PDZRN3: variants seen among roughly 807,000 people sequenced by gnomAD.
PDZRN3 encodes E3 ubiquitin-protein ligase PDZRN3.
PDZRN3 carries 38 observed loss-of-function variants against 85.7 expected under a neutral mutation model. That is an observed-to-expected ratio of 0.44 (90% confidence interval 0.34 to 0.58). The LOEUF (loss-of-function observed/expected upper bound fraction) is 0.58, where lower values mean the gene tolerates loss of function less well. Ranked by LOEUF, PDZRN3 falls within the 20% of genes least tolerant of loss-of-function variation. PDZRN3 has a pLI of 0.01. For synonymous variants in PDZRN3, 759 were observed against 638.0 expected (o/e 1.19, Z -2.86); for missense variants, 1,629 against 1,506.4 (o/e 1.08, Z -1.35).
intron 3 of PDZRN3, among the ~76,000 whole-genome samples, chr3:73,453,332 G>A (rs570210878): frequency 1.3e-5 from 2 of 150,718 alleles, no homozygotes; most frequent in East Asian, 3.9e-4. Context: ...CTTGAAGCCG[G>A]GAGGCGGAGG....
At chr3:73,569,523 C>T in intron 3 of PDZRN3, 2 of 1,046,446 alleles carry the variant, frequency 1.9e-6, no homozygotes, top group Non-Finnish European at 2.3e-6. Flanking sequence ...ATCAGCTGCT[C>T]CTCAGTGAAG....
Position 73,384,033 on chromosome 3 carries a change from C to T in PDZRN3, c.2533G>A (p.Gly845Arg), listed in dbSNP as rs760912979. 7 of 1,594,478 alleles carry T rather than the reference C, an allele frequency of 4.4e-6. No individual in the cohort carries two copies. In the Admixed American group the frequency reaches 6.9e-5, roughly 16 times the overall value. The change falls in exon 10 of 10, where the codon GGG becomes AGG. Residue 845 changes from glycine (G) to arginine (R), a missense_variant. Transcript: ENST00000263666. ...LESKERRASD[G>R]SRSPTPSQKL... ...TGGCTGGGCGTGGGGCTCCGGCTCCCGTCGCTGGCTCTCCGCTCTTTGCTT... is the reference window on the plus strand; with the variant it reads ...TGGCTGGGCGTGGGGCTCCGGCTCCTGTCGCTGGCTCTCCGCTCTTTGCTT...
chr3:73,570,545 G>A (rs1212246494), intron 3 of PDZRN3, among the ~76,000 whole-genome samples: 3 of 152,070 alleles, frequency 2.0e-5, no homozygotes, highest in Admixed American at 2.0e-4. Flanking sequence ...CTTACTGATG[G>A]GATTATGCAT....
intron 3 of PDZRN3, among the ~76,000 whole-genome samples, chr3:73,518,199 C>A (rs1192137795): frequency 2.0e-5 from 3 of 152,152 alleles, no homozygotes; most frequent in African/African-American, 4.8e-5. Context: ...CTGATACATG[C>A]TATGACATGG....
At chr3:73,504,414 A>G (rs1057251026) in intron 3 of PDZRN3, among the ~76,000 whole-genome samples, 2 of 152,214 alleles carry the variant, frequency 1.3e-5, no homozygotes, top group Non-Finnish European at 1.5e-5. Flanking sequence ...CTCAAGTCAG[A>G]TGACAAGCAG....
At chr3:73,567,851 T>C (rs1001025484) in intron 3 of PDZRN3, among the ~76,000 whole-genome samples, 4 of 152,210 alleles carry the variant, frequency 2.6e-5, no homozygotes, top group African/African-American at 7.2e-5. Flanking sequence ...AATACAACGA[T>C]AGGGTCCTTG....
rs879510100 is a variant in PDZRN3, at chr3:73,563,013, ATTTTTT to A, written c.918+39335_918+39340del. On this transcript the variant is annotated intron_variant, in intron 3 of 9. Coordinates refer to ENST00000263666, the MANE Select transcript of PDZRN3 (RefSeq NM_015009.3). The stretch of plus-strand genomic sequence containing the variant: ...TATATATATATATATATATATATAT[ATTTTTT>A]TTTTTTTTTTTTTTTTTGAGACAGA... 3.5e-3 allele frequency among the ~76,000 whole-genome samples: 153 copies of A among 43,700 alleles called. 1 individual carries two copies. Among genetic ancestry groups the A allele is most frequent in the East Asian group, 0.019 (19 of 982 alleles). 28.7% of individuals were successfully genotyped at this position (43,700 alleles called of 152,430 possible). A position where few individuals can be genotyped will look rare whatever the true frequency, so the allele number is the denominator to read the frequency against.
intron 3 of PDZRN3, among the ~76,000 whole-genome samples, chr3:73,484,540 G>A (rs1703628739): frequency 6.6e-6 from 1 of 152,162 alleles, no homozygotes; most frequent in Admixed American, 6.5e-5. Flanking sequence ...GGAGAGCTGG[G>A]GGAAGAAGAT....
At chr3:73,394,805 GT>G (rs1701602593) in intron 5 of PDZRN3, among the ~76,000 whole-genome samples, 1 of 152,216 alleles carries the variant, frequency 6.6e-6, no homozygotes, top group Non-Finnish European at 1.5e-5. Flanking sequence ...GAAGAATCTG[GT>G]TGCTGACAGT....
intron 3 of PDZRN3, among the ~76,000 whole-genome samples, chr3:73,538,642 G>A (rs1374133575): frequency 6.6e-6 from 1 of 152,148 alleles, no homozygotes; most frequent in Non-Finnish European, 1.5e-5. Context: ...TTTTCCTTAT[G>A]TCAGGCAATG....
At chr3:73,580,990 C>T (rs1702193690) in intron 3 of PDZRN3, among the ~76,000 whole-genome samples, 1 of 152,192 alleles carries the variant, frequency 6.6e-6, no homozygotes, top group South Asian at 2.1e-4. Flanking sequence ...CCAGAAGCAA[C>T]CAGCAACAGA....
chr3:73,406,982 T>C (rs543651639), intron 3 of PDZRN3, among the ~76,000 whole-genome samples: 18 of 152,354 alleles, frequency 1.2e-4, no homozygotes, highest in Non-Finnish European at 2.5e-4. Flanking sequence ...CCCTCTCTGC[T>C]AAAAGAACTC....
chr3:73,599,027 C>A (rs1162434947), intron 3 of PDZRN3, among the ~76,000 whole-genome samples: 2 of 152,192 alleles, frequency 1.3e-5, no homozygotes, highest in Admixed American at 6.5e-5. Context: ...CATATCCCAC[C>A]AGACAGTCAT....
At position 73,384,399 on chromosome 3, in the gene PDZRN3, T is replaced by G. The variant is rs1184443079; in HGVS notation, c.2167A>C (p.Asn723His). Residue 723 changes from asparagine to histidine, a missense_variant, in exon 10 of 10, where the codon AAC (asparagine) becomes CAC (histidine). Asn to His is a moderately conservative substitution (Grantham distance 68). Coordinates refer to ENST00000263666, the MANE Select transcript of PDZRN3 (RefSeq NM_015009.3). ...GTGTTGTAGTTGCGGAAGCCGCTGT[T>G]GTGCAGCATCCAGGACTCGCGGTAC... is the stretch of plus-strand genomic sequence containing the variant. ...EQYRESWMLH[N>H]SGFRNYNTSI... 7 of 1,609,658 alleles carry G rather than the reference T, an allele frequency of 4.3e-6. No homozygotes were observed. The Admixed American group carries it at 1.0e-4, about 23-fold the overall frequency.
chr3:73,456,622 G>A (rs1036114481), intron 3 of PDZRN3, among the ~76,000 whole-genome samples: 3 of 152,196 alleles, frequency 2.0e-5, no homozygotes, highest in Non-Finnish European at 4.4e-5. Flanking sequence ...TGATAGGACA[G>A]TACACAGATA....
chr3:73,452,250 G>A (rs1325480936), intron 3 of PDZRN3, among the ~76,000 whole-genome samples: 1 of 152,088 alleles, frequency 6.6e-6, no homozygotes, highest in East Asian at 1.9e-4. Context: ...CAAAGGCACT[G>A]TCAAGGTGGT....
intron 9 of PDZRN3, 52 bp from the exon 10 acceptor site, chr3:73,384,982 G>C: frequency 6.5e-7 from 1 of 1,538,466 alleles, no homozygotes; most frequent in Non-Finnish European, 8.7e-7. Flanking sequence ...TGCGCAGCAG[G>C]TACTCAGGTT....
intron 1 of PDZRN3, 36 bp from the exon 2 acceptor site, chr3:73,608,720 C>T: frequency 7.7e-7 from 1 of 1,298,698 alleles, no homozygotes; most frequent in South Asian, 1.2e-5. Context: ...TTTTATTTAC[C>T]AACAGGGAAT....
At chr3:73,507,128 T>C (rs1216855768) in intron 3 of PDZRN3, among the ~76,000 whole-genome samples, 2 of 152,054 alleles carry the variant, frequency 1.3e-5, no homozygotes, top group Non-Finnish European at 2.9e-5. Flanking sequence ...AAATGATCTC[T>C]TTTTAAAAAC....
Sources: allele counts gnomAD v4.1 joint callset (sites outside exome capture counted in the v4.1 genomes callset), GRCh38; gene constraint gnomAD v4.1.1; transcripts MANE v1.5; gene names NCBI Gene and HGNC (gene_info 2026-07-23, HGNC 2026-07-21).